THSD4: variants seen among roughly 807,000 people sequenced by gnomAD.
THSD4 encodes thrombospondin type-1 domain-containing protein 4.
THSD4 carries 69 observed loss-of-function variants against 119.0 expected under a neutral mutation model. That is an observed-to-expected ratio of 0.58 (90% CI 0.48 to 0.71). The LOEUF is 0.71. Ranked by LOEUF, THSD4 falls within the 30% of genes least tolerant of loss-of-function variation. THSD4 has a pLI of 0.00. For missense variants in THSD4, 1,393 were observed against 1,391.1 expected (o/e 1.00, Z -0.02); for synonymous variants, 524 against 540.4 (o/e 0.97, Z 0.42).
At chr15:71,101,854 C>T (rs551013160) in intron 1 of THSD4, among the ~76,000 whole-genome samples, 17 of 152,122 alleles carry the variant, frequency 1.1e-4, no homozygotes, top group African/African-American at 3.4e-4. Context: ...GCTGGGACTA[C>T]GGGTGCATGC....
chr15:71,265,891 C>G (rs907841553), intron 6 of THSD4, among the ~76,000 whole-genome samples: 8 of 152,194 alleles, frequency 5.3e-5, no homozygotes, highest in Non-Finnish European at 1.2e-4. Flanking sequence ...GTCACTGTAA[C>G]CAGACTGCCT....
At chr15:71,405,767 G>A (rs2046597040) in intron 6 of THSD4, among the ~76,000 whole-genome samples, 1 of 152,136 alleles carries the variant, frequency 6.6e-6, no homozygotes, top group Non-Finnish European at 1.5e-5. Flanking sequence ...TAAATCTTCA[G>A]ATCCAAGAAA....
At chr15:71,736,391 G>T (rs2053108039) in intron 10 of THSD4, among the ~76,000 whole-genome samples, 1 of 141,766 alleles carries the variant, frequency 7.1e-6, no homozygotes, top group Non-Finnish European at 1.5e-5. Context: ...CTCGCACTCT[G>T]TCTCTCTCGC....
intron 8 of THSD4, among the ~76,000 whole-genome samples, chr15:71,688,686 GT>G (rs55863626): frequency 3.8e-4 from 53 of 139,562 alleles, no homozygotes; most frequent in Middle Eastern, 3.6e-3. Context: ...TGTTGTTGAG[GT>G]TTTTTTTTGT....
chr15:71,614,216 C>G (rs145060296), intron 7 of THSD4, among the ~76,000 whole-genome samples: 433 of 152,328 alleles, frequency 2.8e-3, no homozygotes, highest in Non-Finnish European at 4.3e-3. Flanking sequence ...GGGAAGAATT[C>G]GACCCACTTC....
chr15:71,135,870 G>T (rs1240217418), intron 1 of THSD4, among the ~76,000 whole-genome samples: 1 of 151,804 alleles, frequency 6.6e-6, no homozygotes, highest in South Asian at 2.1e-4. Flanking sequence ...TCCCCTGTTG[G>T]CTCTGAGGGC....
At chr15:71,166,921 C>T (rs188229132) in intron 3 of THSD4, 344 of 152,244 alleles carry the variant, frequency 2.3e-3, no homozygotes, top group African/African-American at 8.2e-3. Context: ...ATAGATTAAA[C>T]TTTTTCTCAG....
chr15:71,200,486 G>A (rs996899004), intron 3 of THSD4, among the ~76,000 whole-genome samples: 1 of 152,126 alleles, frequency 6.6e-6, no homozygotes, highest in Admixed American at 6.5e-5. Flanking sequence ...AAGAGAATCT[G>A]AGAATAGTAG....
intron 1 of THSD4, among the ~76,000 whole-genome samples, chr15:71,130,452 CT>C (rs2040493254): frequency 6.6e-6 from 1 of 152,148 alleles, no homozygotes; most frequent in Admixed American, 6.5e-5. Flanking sequence ...TCCCGAAGTG[CT>C]GGGATTACAG....
chr15:71,610,150 G>C (rs2050196364), intron 7 of THSD4, among the ~76,000 whole-genome samples: 1 of 152,228 alleles, frequency 6.6e-6, no homozygotes, highest in Non-Finnish European at 1.5e-5. Flanking sequence ...TAAGGGGAAA[G>C]CATCAGATTG....
At chr15:71,337,917 C>T (rs1055813973) in intron 6 of THSD4, among the ~76,000 whole-genome samples, 2 of 152,208 alleles carry the variant, frequency 1.3e-5, no homozygotes, top group Admixed American at 1.3e-4. Flanking sequence ...TCCTTCCAGC[C>T]TCAGCCGCTT....
At chr15:71,232,294 C>A (rs1450778795) in intron 4 of THSD4, among the ~76,000 whole-genome samples, 1 of 152,238 alleles carries the variant, frequency 6.6e-6, no homozygotes, top group African/African-American at 2.4e-5. Context: ...AAAGCAGTAG[C>A]CTTTATTGAC....
chr15:71,292,194 T>G (rs935466935), intron 6 of THSD4, among the ~76,000 whole-genome samples: 2 of 152,004 alleles, frequency 1.3e-5, no homozygotes, highest in Non-Finnish European at 2.9e-5. Flanking sequence ...TGCTCTTTGT[T>G]TTGTGTGTGA....
chr15:71,532,331 T>A lies in THSD4; in HGVS notation c.1152+120508T>A, dbSNP rs534165124. 1.2e-3 allele frequency among the ~76,000 whole-genome samples: 177 copies of A among 146,950 alleles called. 3 individuals carry two copies. The highest frequency in any genetic ancestry group is 3.9e-3 in the African/African-American group (155 of 40,122). ...GTGTGTGTGTGTGTGTGTGTGTGTGTGATGGAGTCTCACTCTGTCACCAGG... is the reference window on the plus strand; with the variant it reads ...GTGTGTGTGTGTGTGTGTGTGTGTGAGATGGAGTCTCACTCTGTCACCAGG... On this transcript the variant is annotated intron_variant, in intron 7 of 17. Coordinates refer to ENST00000261862, the MANE Select transcript of THSD4 (RefSeq NM_024817.3).
chr15:71,628,704 A>G (rs908325783), intron 7 of THSD4, among the ~76,000 whole-genome samples: 2 of 152,200 alleles, frequency 1.3e-5, no homozygotes, highest in Admixed American at 1.3e-4. Context: ...TGAGAATCGA[A>G]TCTTGATCTT....
At chr15:71,352,360 G>A (rs2045754816) in intron 6 of THSD4, among the ~76,000 whole-genome samples, 1 of 152,192 alleles carries the variant, frequency 6.6e-6, no homozygotes, top group Non-Finnish European at 1.5e-5. Context: ...CCTGACGGTT[G>A]CCAGCCATTC....
intron 7 of THSD4, among the ~76,000 whole-genome samples, chr15:71,413,071 G>A (rs1278887964): frequency 6.6e-6 from 1 of 152,102 alleles, no homozygotes; most frequent in Non-Finnish European, 1.5e-5. Flanking sequence ...GAGTGCAGTG[G>A]CACAATCTCA....
At chr15:71,267,218 C>G (rs192295954) in intron 6 of THSD4, among the ~76,000 whole-genome samples, 67 of 152,322 alleles carry the variant, frequency 4.4e-4, no homozygotes, top group African/African-American at 1.5e-3. Context: ...AGAGAAAGGT[C>G]GGGTTACCCA....
At chr15:71,312,570 A>G (rs978478039) in intron 6 of THSD4, among the ~76,000 whole-genome samples, 3 of 152,080 alleles carry the variant, frequency 2.0e-5, no homozygotes, top group African/African-American at 7.2e-5. Context: ...AATTTCTATT[A>G]TTTAAGCCAC....
Sources: gnomAD v4.1 joint callset for allele counts (sites outside exome capture counted in the v4.1 genomes callset) on GRCh38, gnomAD v4.1.1 for gene constraint, MANE v1.5 for transcripts, NCBI Gene and HGNC (gene_info 2026-07-23, HGNC 2026-07-21) for gene names.